USP37: variants seen among roughly 807,000 people sequenced by gnomAD.
The protein encoded by USP37 is ubiquitin carboxyl-terminal hydrolase 37.
Under a neutral mutation model 124.0 loss-of-function variants are expected in USP37, and 27 were observed. The ratio of observed to expected loss-of-function variants is 0.22; its 90% CI spans 0.16 to 0.30. USP37 has a LOEUF of 0.30. Among genes scored for constraint, USP37 ranks in the 10% least tolerant of loss-of-function variants. USP37 has a pLI of 1.00. For synonymous variants in USP37, 365 were observed against 388.0 expected (o/e 0.94, Z 0.70); for missense variants, 889 against 1,140.4 (o/e 0.78, Z 3.17).
intron 22 of USP37, among the ~76,000 whole-genome samples, chr2:218,460,483 G>T (rs1689957732): frequency 6.6e-6 from 1 of 151,954 alleles, no homozygotes; most frequent in Non-Finnish European, 1.5e-5. Context: ...TTATAAGAAA[G>T]ATATAAAACT....
chr2:218,483,296 G>C (rs987216753), intron 16 of USP37, among the ~76,000 whole-genome samples: 5 of 150,522 alleles, frequency 3.3e-5, no homozygotes, highest in African/African-American at 1.3e-4. Flanking sequence ...GCAGTAAAAG[G>C]TGGGGGGGAA....
chr2:218,465,604 C>G (rs1690271337), intron 21 of USP37, among the ~76,000 whole-genome samples: 1 of 152,190 alleles, frequency 6.6e-6, no homozygotes, highest in African/African-American at 2.4e-5. Flanking sequence ...CAAACCCAGG[C>G]TGGAGTGCAG....
At chr2:218,469,573 T>C (rs1242323591) in intron 20 of USP37, among the ~76,000 whole-genome samples, 1 of 152,162 alleles carries the variant, frequency 6.6e-6, no homozygotes, top group Non-Finnish European at 1.5e-5. Context: ...CACTCAATGA[T>C]TCAATGTACC....
At chr2:218,551,861 C>T (rs544207651) in intron 5 of USP37, among the ~76,000 whole-genome samples, 8 of 151,782 alleles carry the variant, frequency 5.3e-5, no homozygotes, top group South Asian at 4.2e-4. Flanking sequence ...GGCGCAATCT[C>T]GGCTCACTGT....
intron 8 of USP37, among the ~76,000 whole-genome samples, chr2:218,535,320 C>T (rs1391095564): frequency 2.0e-5 from 3 of 150,996 alleles, no homozygotes; most frequent in Non-Finnish European, 4.4e-5. Context: ...GAGCCGTGAT[C>T]GCGCCACTGC....
intron 3 of USP37, among the ~76,000 whole-genome samples, chr2:218,560,319 T>C (rs1190709064): frequency 6.6e-6 from 1 of 152,176 alleles, no homozygotes. Context: ...AAAATGATGC[T>C]AGGTCTAGAA....
chr2:218,504,997 A>T (rs182552224), intron 11 of USP37, among the ~76,000 whole-genome samples: 14 of 152,168 alleles, frequency 9.2e-5, no homozygotes, highest in Non-Finnish European at 1.8e-4. Flanking sequence ...TTTTAGTTGC[A>T]ATCTTACTAC....
In USP37 at chr2:218,556,503, G is replaced by GTTTT. The variant is rs34907421; in HGVS notation, c.156+1991_156+1994dup. ...GTATTTGGTTACTCTGGGTTTTTCTGTTTTTTTTTTTTTTTTTTTTTTTTT... is the reference window on the plus strand; with the variant it reads ...GTATTTGGTTACTCTGGGTTTTTCTGTTTTTTTTTTTTTTTTTTTTTTTTTTTTT... On this transcript the variant is annotated intron_variant, in intron 4 of 25. Transcript: ENST00000258399. 1.6e-3 allele frequency among the ~76,000 whole-genome samples: 87 copies of GTTTT among 53,826 alleles called. 17 individuals carry two copies. The highest frequency in any genetic ancestry group is 4.4e-3 in the African/African-American group (73 of 16,684). 35.3% of individuals were successfully genotyped at this position (53,826 alleles called of 152,430 possible). A position where few individuals can be genotyped will look rare whatever the true frequency, so the allele number is the denominator to read the frequency against.
At chr2:218,484,623 AAACAAC>A (rs71064453) in intron 16 of USP37, among the ~76,000 whole-genome samples, 1 of 18,606 alleles carries the variant, frequency 5.4e-5, no homozygotes, top group Non-Finnish European at 9.6e-5. Context: ...CTCTGTATCA[AAACAAC>A]AACAACAACA....
intron 14 of USP37, among the ~76,000 whole-genome samples, chr2:218,495,308 A>G (rs1406406350): frequency 2.0e-5 from 3 of 151,996 alleles, no homozygotes; most frequent in African/African-American, 7.3e-5. Context: ...CACCTGCCTA[A>G]TTTTTATATA....
chr2:218,564,304 A>G (rs1342231264), intron 1 of USP37, among the ~76,000 whole-genome samples: 1 of 152,230 alleles, frequency 6.6e-6, no homozygotes, highest in African/African-American at 2.4e-5. Flanking sequence ...AATGCCATAC[A>G]TGCATTATCT....
At chr2:218,492,990 G>A (rs899552412) in intron 14 of USP37, among the ~76,000 whole-genome samples, 1 of 151,602 alleles carries the variant, frequency 6.6e-6, no homozygotes, top group African/African-American at 2.4e-5. Flanking sequence ...CTGGGTGACA[G>A]AGCAAGACTC....
intron 21 of USP37, among the ~76,000 whole-genome samples, chr2:218,464,330 C>G (rs972883757): frequency 1.3e-5 from 2 of 152,008 alleles, no homozygotes; most frequent in Admixed American, 6.6e-5. Flanking sequence ...CTCCACCTCC[C>G]GGGTTCAAGC....
chr2:218,528,029 C>G (rs550703721), intron 10 of USP37, among the ~76,000 whole-genome samples: 2 of 152,070 alleles, frequency 1.3e-5, no homozygotes, highest in South Asian at 2.1e-4. Flanking sequence ...AGTGAAACCC[C>G]GTCTCCACTA....
intron 23 of USP37, 110 bp from the exon 24 acceptor site, chr2:218,457,271 T>C (rs2106403829): frequency 6.7e-6 from 7 of 1,043,456 alleles, no homozygotes; most frequent in South Asian, 1.5e-5. Flanking sequence ...GTATGTGGCA[T>C]AGTAAGAATC....
rs575443926 is a variant in USP37 at position 218,508,123 on chromosome 2, G to A, written c.1025+1856C>T. ...AAGGTAACTTAAAGGTGGTGGTATTGTCTCCTAGCAATGCTGAAGCATAGA... is the reference window on the plus strand; with the variant it reads ...AAGGTAACTTAAAGGTGGTGGTATTATCTCCTAGCAATGCTGAAGCATAGA... On this transcript the variant is annotated intron_variant, in intron 11 of 25. Transcript: ENST00000258399. Among the ~76,000 whole-genome samples the A allele has an allele frequency of 2.0e-5, 3 of 152,266 alleles. No homozygotes were observed. The East Asian group carries it at 5.8e-4, about 29-fold the overall frequency.
At chr2:218,477,091 A>AG in intron 18 of USP37, 110 bp from the exon 19 acceptor site, 6 of 1,227,360 alleles carry the variant, frequency 4.9e-6, no homozygotes, top group Non-Finnish European at 6.4e-6. Flanking sequence ...ATTACTTAAC[A>AG]GAAAAAAAAG....
At chr2:218,482,559 C>T (rs1328151933) in intron 16 of USP37, among the ~76,000 whole-genome samples, 1 of 152,136 alleles carries the variant, frequency 6.6e-6, no homozygotes, top group Non-Finnish European at 1.5e-5. Flanking sequence ...TTATTTACTT[C>T]ACTGTTACAT....
Position 218,452,062 on chromosome 2 carries a change from C to T in USP37, c.*2868G>A, listed in dbSNP as rs1161871887. ...ATTAACAGCATCCAGCCACATGCAACTTTCCAACCTTCAGTACTATTAGGT... is the reference window on the plus strand; with the variant it reads ...ATTAACAGCATCCAGCCACATGCAATTTTCCAACCTTCAGTACTATTAGGT... On this transcript the variant is annotated 3_prime_UTR_variant, in exon 26 of 26. Transcript: ENST00000258399. 6.6e-6 allele frequency: 1 copy of T among 152,622 alleles called. No individual in the cohort carries two copies. Among genetic ancestry groups the T allele is most frequent in the African/African-American group, 2.4e-5 (1 of 41,456 alleles). The allele number at this position is 152,622 out of a possible 1,614,324, so 9.5% of individuals were successfully genotyped here.
Sources: allele counts gnomAD v4.1 joint callset (sites outside exome capture counted in the v4.1 genomes callset), GRCh38; gene constraint gnomAD v4.1.1; transcripts MANE v1.5; gene names NCBI Gene and HGNC (gene_info 2026-07-23, HGNC 2026-07-21).